KIT: variants seen among roughly 807,000 people sequenced by gnomAD.
KIT encodes KIT proto-oncogene, receptor tyrosine kinase, also known as mast/stem cell growth factor receptor Kit.
In KIT, 16 loss-of-function variants were observed where a neutral mutation model predicts 105.7. The observed-to-expected ratio is 0.15, with a 90% CI of 0.10 to 0.23. The LOEUF is 0.23. Among genes scored for constraint, KIT ranks in the 10% least tolerant of loss-of-function variants. The probability of loss-of-function intolerance (pLI) is 1.00; values close to 1 mark genes in which losing one functional copy is unlikely to be tolerated. For missense variants in KIT, 858 were observed against 1,213.8 expected (o/e 0.71, Z 4.36); for synonymous variants, 438 against 441.1 (o/e 0.99, Z 0.09).
intron 1 of KIT, among the ~76,000 whole-genome samples, chr4:54,668,996 T>C (rs1269094854): frequency 1.3e-5 from 2 of 152,212 alleles, no homozygotes; most frequent in East Asian, 3.8e-4. Context: ...ATTTGGCTGA[T>C]AAAACACCAC....
At chr4:54,682,756 T>C (rs6852724) in intron 1 of KIT, among the ~76,000 whole-genome samples, 5 of 118,972 alleles carry the variant, frequency 4.2e-5, no homozygotes, top group African/African-American at 2.0e-4. Context: ...GACCGTTTTT[T>C]TTTTTTTTTT....
At chr4:54,738,336 CAGTT>C in intron 20 of KIT, 89 bp from the exon 21 acceptor site, 2 of 1,446,932 alleles carry the variant, frequency 1.4e-6, no homozygotes, top group Non-Finnish European at 1.9e-6. Context: ...GAGTTTCCAT[CAGTT>C]AGTTGTGATC....
rs79997373 is a variant in KIT, at chr4:54,686,566, A to G, written c.68-8946A>G. 4.8e-3 allele frequency among the ~76,000 whole-genome samples: 725 copies of G among 152,220 alleles called. 9 individuals carry two copies. The highest frequency in any genetic ancestry group is 0.016 in the African/African-American group (682 of 41,522). ...GAGTAGGTTTTTTCTTTTTCTTGAAATGGGGCCTTACTCCACTCCTCAGGC... is the reference window on the plus strand; with the variant it reads ...GAGTAGGTTTTTTCTTTTTCTTGAAGTGGGGCCTTACTCCACTCCTCAGGC... On this transcript the variant is annotated intron_variant, in intron 1 of 20. Coordinates refer to ENST00000288135, the MANE Select transcript of KIT (RefSeq NM_000222.3).
At chr4:54,710,613 G>A (rs1201996603) in intron 7 of KIT, among the ~76,000 whole-genome samples, 12 of 128,844 alleles carry the variant, frequency 9.3e-5, no homozygotes, top group Non-Finnish European at 1.2e-4. Context: ...GTGACATCTC[G>A]ATTCACTGCA....
At chr4:54,690,058 T>TG (rs1184112956) in intron 1 of KIT, among the ~76,000 whole-genome samples, 6,189 of 93,760 alleles carry the variant, frequency 0.066, 388 homozygotes, top group African/African-American at 0.16. Flanking sequence ...TTTTTTTTTG[T>TG]GGGGGGGGGG....
chr4:54,719,970 G>A (rs993221282), intron 7 of KIT, among the ~76,000 whole-genome samples: 1 of 152,082 alleles, frequency 6.6e-6, no homozygotes, highest in Non-Finnish European at 1.5e-5. Context: ...GGGCTGGACC[G>A]AGGTGAGGCA....
chr4:54,677,911 A>G (rs993258745), intron 1 of KIT, among the ~76,000 whole-genome samples: 1 of 152,210 alleles, frequency 6.6e-6, no homozygotes, highest in African/African-American at 2.4e-5. Flanking sequence ...GGGTTTCAAG[A>G]CCTAGAGGGT....
intron 7 of KIT, among the ~76,000 whole-genome samples, chr4:54,711,956 A>G (rs990267830): frequency 6.6e-6 from 1 of 151,840 alleles, no homozygotes; most frequent in Non-Finnish European, 1.5e-5. Flanking sequence ...AGATAATAGT[A>G]TATAGAGCTT....
At chr4:54,691,108 G>A (rs1294913248) in intron 1 of KIT, among the ~76,000 whole-genome samples, 1 of 152,172 alleles carries the variant, frequency 6.6e-6, no homozygotes, top group African/African-American at 2.4e-5. Flanking sequence ...TCTTGGTGGA[G>A]CAGCAGAATT....
chr4:54,696,419 G>A (rs1184553482), intron 2 of KIT, among the ~76,000 whole-genome samples: 1 of 152,078 alleles, frequency 6.6e-6, no homozygotes, highest in East Asian at 1.9e-4. Flanking sequence ...GCTGGGCAGG[G>A]GTGTATCTTG....
Position 54,698,337 on chromosome 4 carries a change from G to T in KIT, c.391G>T (p.Asp131Tyr). 2 of 1,614,052 alleles carry T rather than the reference G, an allele frequency of 1.2e-6. No individual in the cohort carries two copies. The highest frequency in any genetic ancestry group is 1.7e-6 in the Non-Finnish European group (2 of 1,179,986). ...DRSLYGKEDN[D>Y]TLVRCPLTDP... ...CTCCTTGTATGGGAAAGAAGACAAC[G>T]ACACGCTGGTCCGCTGTCCTCTCAC... The change falls in exon 3 of 21, where the codon GAC (aspartate) becomes TAC (tyrosine). Residue 131 changes from aspartate (D) to tyrosine (Y), a missense_variant. Physicochemically the swap from Asp to Tyr is radical, Grantham distance 160. Transcript: ENST00000288135.
Position 54,709,307 on chromosome 4 carries a change from T to C in KIT, c.1116-117T>C, listed in dbSNP as rs541537829. The stretch of plus-strand genomic sequence containing the variant: ...GTGGATTTTGCTAATACTTACTGAA[T>C]TAAATGAGTTATATTTTTCCTCAAA... On this transcript the variant is annotated intron_variant, in intron 6 of 20. Transcript: ENST00000288135. 1.1e-5 allele frequency: 8 copies of C among 726,998 alleles called. No individual in the cohort carries two copies. In the East Asian group the frequency reaches 2.1e-4, roughly 19 times the overall value. 45.0% of individuals were successfully genotyped at this position (726,998 alleles called of 1,614,324 possible).
chr4:54,688,938 T>C (rs923383069), intron 1 of KIT, among the ~76,000 whole-genome samples: 9 of 152,166 alleles, frequency 5.9e-5, no homozygotes, highest in Non-Finnish European at 1.3e-4. Context: ...AGCCTCTTCT[T>C]TGAGTTTTGG....
Position 54,658,066 on chromosome 4 carries a change from C to A in KIT, c.52C>A (p.Leu18Ile). 1 of 1,613,932 alleles carries A rather than the reference C, an allele frequency of 6.2e-7. No homozygotes were observed. The highest frequency in any genetic ancestry group is 8.5e-7 in the Non-Finnish European group (1 of 1,179,898). ...TTTTCTCTGCGTTCTGCTCCTACTG[C>A]TTCGCGTCCAGACAGGTGGGACACC... ...WDFLCVLLLL[L>I]RVQTGSSQPS... Residue 18 changes from leucine to isoleucine, a missense_variant, in exon 1 of 21, where the codon CTT (leucine) becomes ATT (isoleucine). Leu to Ile is a conservative substitution (Grantham distance 5). Transcript: ENST00000288135.
chr4:54,687,280 A>T (rs1215350684), intron 1 of KIT, among the ~76,000 whole-genome samples: 2 of 152,072 alleles, frequency 1.3e-5, no homozygotes, highest in Non-Finnish European at 2.9e-5. Context: ...GCTACTAAAA[A>T]TGCAGAAATT....
In KIT at chr4:54,709,557, C is replaced by G; in HGVS notation, c.1231+18C>G. 5 of 1,451,280 alleles carry G rather than the reference C, an allele frequency of 3.4e-6. No individual in the cohort carries two copies. Among genetic ancestry groups the G allele is most frequent in the Non-Finnish European group, 4.8e-6 (5 of 1,031,596 alleles). 89.9% of individuals were successfully genotyped at this position (1,451,280 alleles called of 1,614,324 possible). ...TGTGAATAGTAAGTAACATGAAGGG[C>G]TCCTTTTAATTTTTTATTCTTTTAA... is the stretch of plus-strand genomic sequence containing the variant. On this transcript the variant is annotated intron_variant, in intron 7 of 20. Coordinates refer to ENST00000288135, the MANE Select transcript of KIT (RefSeq NM_000222.3).
At chr4:54,734,777 T>C (rs1243177966) in intron 17 of KIT, among the ~76,000 whole-genome samples, 2 of 152,246 alleles carry the variant, frequency 1.3e-5, no homozygotes, top group African/African-American at 4.8e-5. Flanking sequence ...TTGTTTTTCA[T>C]GTCATGGCCC....
At chr4:54,676,416 C>T (rs1027772134) in intron 1 of KIT, among the ~76,000 whole-genome samples, 20 of 152,314 alleles carry the variant, frequency 1.3e-4, no homozygotes, top group African/African-American at 4.6e-4. Flanking sequence ...TTAAAGCCCT[C>T]GTGGATTCTT....
intron 7 of KIT, 58 bp downstream of exon 7, chr4:54,709,597 T>C: frequency 9.4e-7 from 1 of 1,062,286 alleles, no homozygotes; most frequent in Non-Finnish European, 1.5e-6. Flanking sequence ...GTGGCTCGTG[T>C]TTGTAACAGC....
Sources: gnomAD v4.1 joint callset for allele counts (sites outside exome capture counted in the v4.1 genomes callset) on GRCh38, gnomAD v4.1.1 for gene constraint, MANE v1.5 for transcripts, NCBI Gene and HGNC (gene_info 2026-07-23, HGNC 2026-07-21) for gene names.